Variants in TRMT10B observed in about 807,000 individuals in gnomAD.
TRMT10B encodes the protein tRNA methyltransferase 10B.
TRMT10B carries 33 observed loss-of-function variants against 43.8 expected under a neutral mutation model. That is an observed-to-expected ratio of 0.75 (90% CI 0.57 to 1.01). The LOEUF is 1.01. TRMT10B is among the 50% of genes least tolerant of loss of function. The pLI is 0.00. For missense variants in TRMT10B, 362 were observed against 369.8 expected, an observed-to-expected ratio of 0.98 and a Z score of 0.17; for synonymous variants, 137 against 130.6, an observed-to-expected ratio of 1.05 and a Z score of -0.34.
intron 7 of TRMT10B, 46 bp downstream of exon 7, chr9:37,770,785 T>A (rs758512391): frequency 6.3e-7 from 1 of 1,596,290 alleles, no homozygotes; most frequent in East Asian, 2.2e-5. Context: ...AAAGCAGTGC[T>A]TACTTTTAGA....
intron 7 of TRMT10B, among the ~76,000 whole-genome samples, chr9:37,770,952 G>T (rs901037247): frequency 6.6e-6 from 1 of 152,200 alleles, no homozygotes; most frequent in African/African-American, 2.4e-5. Context: ...ACTGGACTGG[G>T]CACTGTTTGG....
rs1231714368 is a variant in TRMT10B at position 37,768,176 on chromosome 9, G to A, written c.521G>A (p.Ser174Asn). ...WICLTGFTTD[S>N]PLYEECVRMN... ...TGCCTCACTGGATTCACAACAGACA[G>A]TCCCCTTTATGAAGAGTGTGTGAGG... The change falls in exon 5 of 9, where the codon AGT (serine) becomes AAT (asparagine). Residue 174 changes from serine to asparagine, a missense_variant. Transcript: ENST00000297994. 1 of 1,614,184 alleles carries A rather than the reference G, an allele frequency of 6.2e-7. No individual in the cohort carries two copies. Among genetic ancestry groups the A allele is most frequent in the Non-Finnish European group, 8.5e-7 (1 of 1,180,018 alleles).
intron 8 of TRMT10B, 97 bp downstream of exon 8, chr9:37,776,502 T>C (rs1049693348): frequency 7.0e-7 from 1 of 1,430,046 alleles, no homozygotes; most frequent in Admixed American, 2.6e-5. Flanking sequence ...CCTCTGTGAC[T>C]AATGTGTGTG....
In TRMT10B at chr9:37,776,272, A is replaced by G. The variant is rs940079395; in HGVS notation, c.721-10A>G. 1.1e-5 allele frequency: 16 copies of G among 1,488,772 alleles called. No individual in the cohort carries two copies. In the East Asian group the frequency reaches 1.3e-4, roughly 12 times the overall value. The allele number at this position is 1,488,772 out of a possible 1,614,324, so 92.2% of individuals were successfully genotyped here. ...TTTTATAAGAAAAATATTTAACTAT[A>G]TATTTACAGAAGGTGACATTTCAAA... On this transcript the variant is annotated splice_polypyrimidine_tract_variant and intron_variant, in intron 7 of 8. Coordinates refer to ENST00000297994, the MANE Select transcript of TRMT10B (RefSeq NM_144964.4).
upstream of TRMT10B, among the ~76,000 whole-genome samples, chr9:37,753,064 C>A (rs1225834989): frequency 4.0e-5 from 6 of 148,678 alleles, no homozygotes; most frequent in East Asian, 1.2e-3. Flanking sequence ...TGACCACGAA[C>A]CCACCGAGAG....
At chr9:37,770,152 G>T in intron 6 of TRMT10B, 133 bp downstream of exon 6, 2 of 796,554 alleles carry the variant, frequency 2.5e-6, no homozygotes, top group Non-Finnish European at 4.4e-6. Context: ...CACATGAGCA[G>T]TGCTCCTCTT....
At chr9:37,770,595 A>G (rs1044729407) in intron 6 of TRMT10B, 77 bp from the exon 7 acceptor site, 52 of 1,304,418 alleles carry the variant, frequency 4.0e-5, no homozygotes, top group Admixed American at 2.2e-4. Flanking sequence ...ATTGTTAATA[A>G]TTCTTTCATT....
At chr9:37,774,541 CATAAA>C (rs913198359) in intron 7 of TRMT10B, among the ~76,000 whole-genome samples, 36 of 152,246 alleles carry the variant, frequency 2.4e-4, no homozygotes, top group African/African-American at 7.9e-4. Flanking sequence ...GTGCAAAGAA[CATAAA>C]CTAAATTGTA....
intron 3 of TRMT10B, 126 bp from the exon 4 acceptor site, chr9:37,763,503 A>T (rs1826635652): frequency 2.7e-6 from 2 of 750,276 alleles, no homozygotes; most frequent in Non-Finnish European, 4.3e-6. Context: ...CTTCTAATGA[A>T]CGAATACCTT....
At chr9:37,775,510 C>A (rs1256581339) in intron 7 of TRMT10B, among the ~76,000 whole-genome samples, 1 of 152,066 alleles carries the variant, frequency 6.6e-6, no homozygotes, top group Non-Finnish European at 1.5e-5. Flanking sequence ...TCTTGTGACT[C>A]CTTTTTGCAG....
chr9:37,764,459 C>A (rs1826768997), intron 4 of TRMT10B, among the ~76,000 whole-genome samples: 1 of 151,392 alleles, frequency 6.6e-6, no homozygotes, highest in African/African-American at 2.4e-5. Flanking sequence ...GTAGCTGGGA[C>A]TACAGGCTCC....
At chr9:37,771,351 CCT>C (rs1172009302) in intron 7 of TRMT10B, among the ~76,000 whole-genome samples, 2 of 152,114 alleles carry the variant, frequency 1.3e-5, no homozygotes, top group African/African-American at 2.4e-5. Flanking sequence ...ATTCCCCTCC[CCT>C]GAGGCAACCG....
At chr9:37,762,237 GTGATGAATTT>G (rs1826426849) in intron 2 of TRMT10B, 120 bp downstream of exon 2, 1 of 1,180,396 alleles carries the variant, frequency 8.5e-7, no homozygotes, top group African/African-American at 1.5e-5. Flanking sequence ...TGTATTCTGA[GTGATGAATTT>G]TCTGCTAACT....
At chr9:37,767,074 A>C (rs1189895503) in intron 4 of TRMT10B, 1 of 152,148 alleles carries the variant, frequency 6.6e-6, no homozygotes. Flanking sequence ...GCCTTACATC[A>C]CAGTATGTAA....
rs560220643 is a variant in TRMT10B at position 37,773,628 on chromosome 9, G to A, written c.721-2654G>A. ...AGTCAGGCAAATCACAAGGTCAAGA[G>A]ATCGATACCATCCTGGCCAACATGT... On this transcript the variant is annotated intron_variant, in intron 7 of 8. Transcript: ENST00000297994. 3.9e-5 allele frequency among the ~76,000 whole-genome samples: 6 copies of A among 152,278 alleles called. No homozygotes were observed. The South Asian group carries it at 1.0e-3, about 26-fold the overall frequency.
intron 1 of TRMT10B, among the ~76,000 whole-genome samples, chr9:37,754,534 A>G (rs1311000598): frequency 1.3e-5 from 2 of 152,164 alleles, no homozygotes; most frequent in African/African-American, 4.8e-5. Flanking sequence ...AGTGGTGATC[A>G]TCAAATACTT....
Position 37,777,624 on chromosome 9 carries a change from T to A in TRMT10B, c.868T>A (p.Leu290Ile). The A allele has an allele frequency of 6.2e-7, 1 of 1,614,054 alleles. No individual in the cohort carries two copies. Among genetic ancestry groups the A allele is most frequent in the South Asian group, 1.1e-5 (1 of 91,074 alleles). Residue 290 changes from leucine to isoleucine, a missense_variant, in exon 9 of 9, where the codon TTA becomes ATA. Coordinates refer to ENST00000297994, the MANE Select transcript of TRMT10B (RefSeq NM_144964.4). ...NQVFDILSTY[L>I]ETHNWPEALK... ...AGTGTTTGATATCCTGTCCACTTAC[T>A]TAGAGACTCACAACTGGCCTGAAGC... is the stretch of plus-strand genomic sequence containing the variant.
intron 5 of TRMT10B, 197 bp from the exon 6 acceptor site, chr9:37,769,744 G>C (rs775161219): frequency 6.8e-6 from 4 of 587,900 alleles, no homozygotes; most frequent in Non-Finnish European, 1.2e-5. Flanking sequence ...GGGACTACAG[G>C]CACATGCCAC....
intron 4 of TRMT10B, among the ~76,000 whole-genome samples, chr9:37,765,255 G>A (rs946082887): frequency 7.9e-5 from 12 of 151,558 alleles, no homozygotes; most frequent in African/African-American, 1.9e-4. Context: ...CCCGTCCCCC[G>A]ACCCCACAAC....
Sources: allele counts gnomAD v4.1 joint callset (sites outside exome capture counted in the v4.1 genomes callset), GRCh38; gene constraint gnomAD v4.1.1; transcripts MANE v1.5; gene names NCBI Gene and HGNC (gene_info 2026-07-23, HGNC 2026-07-21).